The following NKAIN2 variants were observed in gnomAD, a reference collection of about 807,000 sequenced individuals.
NKAIN2 encodes the protein sodium/potassium transporting ATPase interacting 2, also known as sodium/potassium-transporting ATPase subunit beta-1-interacting protein 2.
A neutral mutation model predicts 32.6 loss-of-function variants in NKAIN2; 14 were observed. The observed-to-expected ratio is 0.43, with a 90% confidence interval of 0.28 to 0.67. The LOEUF (loss-of-function observed/expected upper bound fraction) is 0.67, where lower values mean the gene tolerates loss of function less well. Among genes scored for constraint, NKAIN2 ranks in the 30% least tolerant of loss-of-function variants. The pLI is 0.17. For synonymous variants in NKAIN2, 80 were observed against 87.2 expected (o/e 0.92, Z 0.46); for missense variants, 198 against 258.3 (o/e 0.77, Z 1.60).
intron 1 of NKAIN2, among the ~76,000 whole-genome samples, chr6:123,883,676 CT>C (rs1282773998): frequency 4.4e-5 from 6 of 137,328 alleles, no homozygotes; most frequent in African/African-American, 1.7e-4. Flanking sequence ...TAAAAAACCT[CT>C]TTAAAAAAAA....
In NKAIN2 at chr6:124,740,447, CGT is replaced by C. The variant is rs56154164; in HGVS notation, c.475-50866_475-50865del. 8.2e-4 allele frequency among the ~76,000 whole-genome samples: 118 copies of C among 143,838 alleles called. 1 individual carries two copies. The highest frequency in any genetic ancestry group is 1.2e-3 in the Non-Finnish European group (78 of 66,100). The allele number at this position is 143,838 out of a possible 152,430, so 94.4% of individuals were successfully genotyped here. On this transcript the variant is annotated intron_variant, in intron 4 of 6. Transcript: ENST00000368417. ...ACATATATATATATACACATATACA[CGT>C]GTGTGTGTGTGTGTGTGTGTGTGTG...
At chr6:123,816,497 C>T (rs6934504) in intron 1 of NKAIN2, among the ~76,000 whole-genome samples, 3,220 of 152,144 alleles carry the variant, frequency 0.021, 96 homozygotes, top group African/African-American at 0.074. Flanking sequence ...AATTAGGTGG[C>T]AAGCATTTGT....
chr6:124,806,720 CA>C (rs1256369466), intron 5 of NKAIN2, among the ~76,000 whole-genome samples: 1 of 152,098 alleles, frequency 6.6e-6, no homozygotes, highest in Non-Finnish European at 1.5e-5. Flanking sequence ...CAAGACCCAT[CA>C]GTGTGCTGTA....
chr6:123,866,856 G>T (rs986459607), intron 1 of NKAIN2, among the ~76,000 whole-genome samples: 1 of 152,068 alleles, frequency 6.6e-6, no homozygotes, highest in Non-Finnish European at 1.5e-5. Flanking sequence ...TCTCTGGATT[G>T]CTCTTTTCCT....
At chr6:123,947,535 A>C (rs1267499836) in intron 1 of NKAIN2, among the ~76,000 whole-genome samples, 2 of 152,172 alleles carry the variant, frequency 1.3e-5, no homozygotes, top group African/African-American at 4.8e-5. Flanking sequence ...GGGCCTTAAA[A>C]GCATGTGTCT....
intron 1 of NKAIN2, among the ~76,000 whole-genome samples, chr6:123,819,574 A>G (rs895344874): frequency 2.0e-5 from 3 of 152,164 alleles, no homozygotes; most frequent in Admixed American, 2.0e-4. Flanking sequence ...CTGAGTCTGG[A>G]GGATTCCGAG....
chr6:124,534,253 C>T (rs1779633483), intron 3 of NKAIN2, among the ~76,000 whole-genome samples: 1 of 151,940 alleles, frequency 6.6e-6, no homozygotes, highest in East Asian at 1.9e-4. Flanking sequence ...CAGGCTCAAG[C>T]TTTGCTTATG....
At chr6:124,175,092 C>T (rs1371912388) in intron 1 of NKAIN2, among the ~76,000 whole-genome samples, 1 of 152,070 alleles carries the variant, frequency 6.6e-6, no homozygotes, top group African/African-American at 2.4e-5. Flanking sequence ...TTTTTAAGCA[C>T]CATTGTAACT....
At chr6:124,726,413 C>T (rs1436572728) in intron 4 of NKAIN2, among the ~76,000 whole-genome samples, 1 of 152,188 alleles carries the variant, frequency 6.6e-6, no homozygotes, top group Non-Finnish European at 1.5e-5. Context: ...GACCCCTGAG[C>T]AGCCTAACTG....
intron 2 of NKAIN2, among the ~76,000 whole-genome samples, chr6:124,287,123 T>G (rs1211633679): frequency 2.0e-5 from 3 of 152,246 alleles, no homozygotes; most frequent in Non-Finnish European, 4.4e-5. Context: ...ATGTCTATCT[T>G]ATTACAGTTA....
chr6:124,321,574 C>T (rs997898442), intron 2 of NKAIN2, among the ~76,000 whole-genome samples: 17 of 152,158 alleles, frequency 1.1e-4, no homozygotes, highest in African/African-American at 3.9e-4. Context: ...CATAATTTTA[C>T]ATAGTGATAC....
At chr6:124,738,952 C>T (rs568135043) in intron 4 of NKAIN2, among the ~76,000 whole-genome samples, 59 of 151,880 alleles carry the variant, frequency 3.9e-4, no homozygotes, top group African/African-American at 1.4e-3. Flanking sequence ...GTAAATTTTA[C>T]CTCCAAGCTA....
intron 1 of NKAIN2, among the ~76,000 whole-genome samples, chr6:124,240,122 T>A (rs1793005252): frequency 6.6e-6 from 1 of 152,048 alleles, no homozygotes; most frequent in Non-Finnish European, 1.5e-5. Context: ...AACAACTCTA[T>A]GCAAATAAAC....
At chr6:124,702,303 C>A (rs10428742) in intron 4 of NKAIN2, among the ~76,000 whole-genome samples, 9,945 of 151,764 alleles carry the variant, frequency 0.066, 390 homozygotes, top group African/African-American at 0.11. Context: ...AAATATGAAA[C>A]CTTGTAAATC....
At chr6:124,581,674 A>T (rs116957269) in intron 3 of NKAIN2, among the ~76,000 whole-genome samples, 118 of 152,308 alleles carry the variant, frequency 7.7e-4, no homozygotes, top group South Asian at 1.4e-3. Flanking sequence ...TGACTACAGT[A>T]GAATAAAACT....
intron 3 of NKAIN2, among the ~76,000 whole-genome samples, chr6:124,461,385 C>T (rs1443960597): frequency 2.0e-5 from 3 of 151,644 alleles, no homozygotes; most frequent in Admixed American, 1.3e-4. Flanking sequence ...TTATGCAGCC[C>T]ATTTATTTAC....
intron 1 of NKAIN2, among the ~76,000 whole-genome samples, chr6:124,272,891 G>C (rs1304948901): frequency 6.6e-6 from 1 of 152,194 alleles, no homozygotes; most frequent in Non-Finnish European, 1.5e-5. Flanking sequence ...ACTGGGTTTT[G>C]AACTTGCATT....
chr6:124,140,016 G>T (rs1476222332), intron 1 of NKAIN2, among the ~76,000 whole-genome samples: 1 of 152,132 alleles, frequency 6.6e-6, no homozygotes, highest in Non-Finnish European at 1.5e-5. Flanking sequence ...GAAAATATCA[G>T]CTGTGAGCTT....
At chr6:124,549,924 G>A (rs1562250967) in intron 3 of NKAIN2, among the ~76,000 whole-genome samples, 2 of 152,272 alleles carry the variant, frequency 1.3e-5, no homozygotes, top group South Asian at 2.1e-4. Flanking sequence ...ATGAGTCTCC[G>A]TGGTAGAGTT....
Sources: gnomAD v4.1 joint callset for allele counts (sites outside exome capture counted in the v4.1 genomes callset) on GRCh38, gnomAD v4.1.1 for gene constraint, MANE v1.5 for transcripts, NCBI Gene and HGNC (gene_info 2026-07-23, HGNC 2026-07-21) for gene names.